Variants in SPAG17 observed in about 807,000 individuals in gnomAD.
SPAG17 encodes the protein sperm associated antigen 17, also known as sperm-associated antigen 17.
Under a neutral mutation model 273.6 loss-of-function variants are expected in SPAG17, and 169 were observed. The ratio of observed to expected loss-of-function variants is 0.62; its 90% CI spans 0.55 to 0.70. The LOEUF is 0.70. SPAG17 is among the 30% of genes least tolerant of loss of function. The pLI is 0.00. For synonymous variants in SPAG17, 825 were observed against 873.2 expected (o/e 0.94, Z 0.97); for missense variants, 2,557 against 2,627.8 (o/e 0.97, Z 0.59).
intron 3 of SPAG17, among the ~76,000 whole-genome samples, chr1:118,135,672 T>C (rs1465495531): frequency 6.6e-6 from 1 of 152,190 alleles, no homozygotes; most frequent in Non-Finnish European, 1.5e-5. Flanking sequence ...AGATGTTTTC[T>C]GCATGGGGAA....
At chr1:118,180,361 G>A (rs946468245) in intron 1 of SPAG17, among the ~76,000 whole-genome samples, 11 of 152,046 alleles carry the variant, frequency 7.2e-5, no homozygotes, top group African/African-American at 2.7e-4. Flanking sequence ...AATATCGTAT[G>A]TTCTCACTCT....
chr1:118,005,503 G>C lies in SPAG17; in HGVS notation c.4687C>G (p.Arg1563Gly), dbSNP rs776160968. The C allele has an allele frequency of 6.2e-7, 1 of 1,613,384 alleles. No individual in the cohort carries two copies. Among genetic ancestry groups the C allele is most frequent in the Non-Finnish European group, 8.5e-7 (1 of 1,179,722 alleles). Residue 1563 changes from arginine (R) to glycine (G), a missense_variant, in exon 32 of 49, where the codon CGT becomes GGT. Coordinates refer to ENST00000336338, the MANE Select transcript of SPAG17 (RefSeq NM_206996.4). ...TACCTGCCAGCTCGCAGCTGCTCAC[G>C]CTTTTGAAAAGGATAGTATATATTA... ...SSNIYYPFQK[R>G]EQLRAGRYIM...
intron 10 of SPAG17, among the ~76,000 whole-genome samples, chr1:118,089,961 G>GA (rs569479942): frequency 2.1e-3 from 323 of 152,288 alleles, no homozygotes; most frequent in African/African-American, 7.5e-3. Context: ...GTCTTGTGAA[G>GA]AAGGTGCCTG....
At chr1:117,979,630 G>A (rs539241084) in intron 43 of SPAG17, among the ~76,000 whole-genome samples, 4 of 152,126 alleles carry the variant, frequency 2.6e-5, no homozygotes, top group Admixed American at 6.5e-5. Context: ...AAAACCTTCC[G>A]CTGACGTTTG....
chr1:118,184,217 A>T (rs994595967), intron 1 of SPAG17, among the ~76,000 whole-genome samples: 14 of 151,948 alleles, frequency 9.2e-5, no homozygotes, highest in East Asian at 3.9e-4. Context: ...TGAAAAAAAA[A>T]TTTTTTTTCC....
intron 3 of SPAG17, among the ~76,000 whole-genome samples, chr1:118,138,847 C>CAGTGCTAATAATAATAATA (rs998662150): frequency 2.0e-5 from 3 of 152,270 alleles, no homozygotes; most frequent in Admixed American, 2.0e-4. Flanking sequence ...GAGTTAGGCA[C>CAGTGCTAATAATAATAATA]ATAAGGATAC....
chr1:117,971,698 T>G, intron 45 of SPAG17, 165 bp downstream of exon 45: 1 of 497,400 alleles, frequency 2.0e-6, no homozygotes, highest in Non-Finnish European at 3.5e-6. Context: ...GATTTGTTGA[T>G]GAATGAATGA....
At chr1:118,082,769 T>C (rs984527442) in intron 13 of SPAG17, among the ~76,000 whole-genome samples, 1 of 152,118 alleles carries the variant, frequency 6.6e-6, no homozygotes, top group Non-Finnish European at 1.5e-5. Flanking sequence ...CATGGAAAAG[T>C]CCTCTGAACA....
intron 3 of SPAG17, among the ~76,000 whole-genome samples, chr1:118,147,865 T>C (rs547554290): frequency 2.4e-4 from 36 of 152,310 alleles, no homozygotes; most frequent in African/African-American, 8.2e-4. Flanking sequence ...ATGGATGAAG[T>C]ATACTATACA....
intron 45 of SPAG17, chr1:117,971,662 T>C (rs762620052): frequency 2.3e-6 from 1 of 426,144 alleles, no homozygotes; most frequent in Non-Finnish European, 4.1e-6. Context: ...ATCTACCATA[T>C]AATTGGAACC....
chr1:117,999,227 C>A (rs537772160), intron 32 of SPAG17, among the ~76,000 whole-genome samples: 1 of 152,236 alleles, frequency 6.6e-6, no homozygotes, highest in East Asian at 1.9e-4. Flanking sequence ...TCCAGTCTAT[C>A]ATTGATGGAT....
chr1:118,110,176 A>C (rs1656676381), intron 4 of SPAG17, among the ~76,000 whole-genome samples: 1 of 152,220 alleles, frequency 6.6e-6, no homozygotes, highest in Non-Finnish European at 1.5e-5. Flanking sequence ...GAAATAACTT[A>C]AATGCTCAAT....
chr1:118,173,858 T>TAAAAAAAAAAAAAAAAAAA (rs11392346), intron 1 of SPAG17, among the ~76,000 whole-genome samples: 1 of 118,302 alleles, frequency 8.5e-6, no homozygotes. Flanking sequence ...AGACCCTGTC[T>TAAAAAAAAAAAAAAAAAAA]AAAAAAAAAA....
At chr1:118,003,565 A>G (rs994887453) in intron 32 of SPAG17, among the ~76,000 whole-genome samples, 2 of 152,040 alleles carry the variant, frequency 1.3e-5, no homozygotes, top group African/African-American at 4.8e-5. Context: ...CATTAATTTG[A>G]TCTTCAGTCA....
At chr1:118,115,526 T>G in intron 3 of SPAG17, 85 bp from the exon 4 acceptor site, 1 of 1,344,716 alleles carries the variant, frequency 7.4e-7, no homozygotes, top group Non-Finnish European at 1.0e-6. Context: ...GAAAGGAAAT[T>G]TTATATTATT....
intron 3 of SPAG17, among the ~76,000 whole-genome samples, chr1:118,137,360 A>G (rs1045141385): frequency 2.0e-5 from 3 of 152,242 alleles, no homozygotes; most frequent in Non-Finnish European, 4.4e-5. Flanking sequence ...AATTTCTGAT[A>G]AAGGCTCATG....
At chr1:117,981,455 G>A (rs1427602742) in intron 42 of SPAG17, 54 bp from the exon 43 acceptor site, 2 of 1,519,712 alleles carry the variant, frequency 1.3e-6, no homozygotes, top group East Asian at 2.5e-5. Context: ...ATGATATAAT[G>A]ACTACTAATG....
intron 4 of SPAG17, among the ~76,000 whole-genome samples, chr1:118,108,968 C>T (rs977939556): frequency 5.3e-5 from 8 of 152,126 alleles, no homozygotes; most frequent in African/African-American, 1.9e-4. Context: ...TATAATAGGG[C>T]AACCTAGTTA....
intron 1 of SPAG17, among the ~76,000 whole-genome samples, chr1:118,170,067 T>A (rs1380549864): frequency 6.6e-6 from 1 of 152,184 alleles, no homozygotes; most frequent in East Asian, 1.9e-4. Flanking sequence ...ATCCTATGTA[T>A]CTGCTGTGAT....
Sources: gnomAD v4.1 joint callset for allele counts (sites outside exome capture counted in the v4.1 genomes callset) on GRCh38, gnomAD v4.1.1 for gene constraint, MANE v1.5 for transcripts, NCBI Gene and HGNC (gene_info 2026-07-23, HGNC 2026-07-21) for gene names.